Variants in ASB1 observed in about 807,000 individuals in gnomAD.
ASB1 encodes the protein ankyrin repeat and SOCS box protein 1.
Under a neutral mutation model 27.7 loss-of-function variants are expected in ASB1, and 18 were observed. The ratio of observed to expected loss-of-function variants is 0.65; its 90% CI spans 0.45 to 0.96. The LOEUF (loss-of-function observed/expected upper bound fraction) is 0.96, where lower values mean the gene tolerates loss of function less well. Ranked by LOEUF, ASB1 falls within the 50% of genes least tolerant of loss-of-function variation. The probability of loss-of-function intolerance (pLI) is 0.00; values close to 1 mark genes in which losing one functional copy is unlikely to be tolerated. For synonymous variants in ASB1, 189 were observed against 187.6 expected (o/e 1.01, Z -0.06); for missense variants, 397 against 451.7 (o/e 0.88, Z 1.10).
chr2:238,447,169 C>G lies in ASB1; in HGVS notation c.*658C>G, dbSNP rs2106411781. 1 of 153,144 alleles carries G rather than the reference C, an allele frequency of 6.5e-6. No homozygotes were observed. The highest frequency in any genetic ancestry group is 2.1e-4 in the South Asian group (1 of 4,834). 9.5% of individuals were successfully genotyped at this position (153,144 alleles called of 1,614,324 possible). The stretch of plus-strand genomic sequence containing the variant: ...ATCAGGTGTCACGATTTTTCTGCCA[C>G]TTCACCTTAGGGAGCTTCCAGTGAT... On this transcript the variant is annotated 3_prime_UTR_variant, in exon 5 of 5. Coordinates refer to ENST00000264607, the MANE Select transcript of ASB1 (RefSeq NM_001040445.3).
In ASB1 at chr2:238,434,115, C is replaced by G. The variant is rs1701922650; in HGVS notation, c.191+420C>G. ...CCTAGTGCCCTTTCCTCTAGCTTCTCAGGCCCTCAGTCATCTGCCCCCGGG... is the reference window on the plus strand; with the variant it reads ...CCTAGTGCCCTTTCCTCTAGCTTCTGAGGCCCTCAGTCATCTGCCCCCGGG... On this transcript the variant is annotated intron_variant, in intron 2 of 4. Transcript: ENST00000264607. Among the ~76,000 whole-genome samples the G allele has an allele frequency of 2.0e-5, 3 of 152,216 alleles. No individual in the cohort carries two copies. The South Asian group carries it at 6.2e-4, about 31-fold the overall frequency.
chr2:238,440,880 T>G (rs980345178), intron 3 of ASB1, among the ~76,000 whole-genome samples: 1 of 152,142 alleles, frequency 6.6e-6, no homozygotes, highest in African/African-American at 2.4e-5. Context: ...CACTGGGGAT[T>G]AGGAGGGGCG....
In ASB1 at chr2:238,433,582, G is replaced by A; in HGVS notation, c.78G>A (p.Glu26=). The change falls in exon 2 of 5, where the codon GAG becomes GAA. Residue 26 remains glutamate (E), a synonymous_variant. Coordinates refer to ENST00000264607, the MANE Select transcript of ASB1 (RefSeq NM_001040445.3). ...GTAATCTGAAGGAGTGGCTGAGGGA[G>A]CAATTTTGTGATCATCCGCTGGAGC... The part of the protein sequence containing the change: ...AGRNLKEWLR[E]QFCDHPLEHC... 6.2e-7 allele frequency: 1 copy of A among 1,614,152 alleles called. No homozygotes were observed. The highest frequency in any genetic ancestry group is 8.5e-7 in the Non-Finnish European group (1 of 1,180,018).
In ASB1 at chr2:238,432,542, A is replaced by G. The variant is rs144167312; in HGVS notation, c.50-1012A>G. ...CCTCCCTGTGGCCGTTGCCCAGGGC[A>G]GCGTGGGAGGGAGTCACCCGTGTAG... On this transcript the variant is annotated intron_variant, in intron 1 of 4. Coordinates refer to ENST00000264607, the MANE Select transcript of ASB1 (RefSeq NM_001040445.3). Among the ~76,000 whole-genome samples, 387 of 152,268 alleles carry G rather than the reference A, an allele frequency of 2.5e-3. 2 individuals are homozygous for G. Among genetic ancestry groups the G allele is most frequent in the African/African-American group, 8.9e-3 (368 of 41,538 alleles).
intron 1 of ASB1, among the ~76,000 whole-genome samples, chr2:238,432,046 C>T (rs1466162727): frequency 6.6e-6 from 1 of 152,118 alleles, no homozygotes; most frequent in Non-Finnish European, 1.5e-5. Context: ...AACACAATTA[C>T]GTGTGAAGCT....
chr2:238,426,930 G>T lies in ASB1; in HGVS notation c.-141G>T, dbSNP rs950942382. 1.6e-5 allele frequency: 9 copies of T among 548,036 alleles called. No individual in the cohort carries two copies. The highest frequency in any genetic ancestry group is 2.2e-5 in the Non-Finnish European group (8 of 370,122). 33.9% of individuals were successfully genotyped at this position (548,036 alleles called of 1,614,324 possible). On this transcript the variant is annotated 5_prime_UTR_variant, in exon 1 of 5. Coordinates refer to ENST00000264607, the MANE Select transcript of ASB1 (RefSeq NM_001040445.3). ...CCCCTGCGCGGCCCCGGAAACCAGT[G>T]AGGCCGGCGCGCGCCCGCCGGAAGC...
rs1308170861 is a variant in ASB1 at position 238,427,021 on chromosome 2, G to GAA, written c.-50_-49insAA. 1 of 1,233,224 alleles carries GAA rather than the reference G, an allele frequency of 8.1e-7. No homozygotes were observed. Among genetic ancestry groups the GAA allele is most frequent in the Non-Finnish European group, 1.0e-6 (1 of 986,704 alleles). 76.4% of individuals were successfully genotyped at this position (1,233,224 alleles called of 1,614,324 possible). On this transcript the variant is annotated 5_prime_UTR_variant, in exon 1 of 5. Coordinates refer to ENST00000264607, the MANE Select transcript of ASB1 (RefSeq NM_001040445.3). ...GTGGTCGCGGGTCGTTCTGCTTCCTGCCCGAGGGGCGTGCGCGGGTCAGGG... is the reference window on the plus strand; with the variant it reads ...GTGGTCGCGGGTCGTTCTGCTTCCTGAACCCGAGGGGCGTGCGCGGGTCAGGG...
Position 238,444,481 on chromosome 2 carries a change from C to G in ASB1, c.634C>G (p.Leu212Val). 1 of 1,614,228 alleles carries G rather than the reference C, an allele frequency of 6.2e-7. No individual in the cohort carries two copies. Among genetic ancestry groups the G allele is most frequent in the South Asian group, 1.1e-5 (1 of 91,090 alleles). ...CAACCTCCAGTGCTTCCGGCTGCTC[C>G]TCCTGGCTGGCGCGAACCCTGACTT... is the stretch of plus-strand genomic sequence containing the variant. ...YHNLQCFRLL[L>V]LAGANPDFNC... The change falls in exon 4 of 5, where the codon CTC becomes GTC. Residue 212 changes from leucine (L) to valine (V), a missense_variant. Coordinates refer to ENST00000264607, the MANE Select transcript of ASB1 (RefSeq NM_001040445.3).
chr2:238,444,286 T>A (rs1253026536), intron 3 of ASB1, 56 bp from the exon 4 acceptor site: 8 of 1,540,756 alleles, frequency 5.2e-6, no homozygotes, highest in Middle Eastern at 3.5e-4. Flanking sequence ...ATCTGTGGGA[T>A]CTGTGGGCTG....
chr2:238,432,603 C>T (rs964821302), intron 1 of ASB1, among the ~76,000 whole-genome samples: 1 of 152,054 alleles, frequency 6.6e-6, no homozygotes, highest in Non-Finnish European at 1.5e-5. Context: ...TGGATTTTGC[C>T]GTATGTCTTT....
chr2:238,437,500 T>G (rs999288405), intron 3 of ASB1, among the ~76,000 whole-genome samples: 6 of 151,996 alleles, frequency 3.9e-5, no homozygotes, highest in African/African-American at 1.4e-4. Context: ...AAAGTGCTGG[T>G]ATTACAGGCG....
Position 238,433,682 on chromosome 2 carries a change from G to A in ASB1, c.178G>A (p.Glu60Lys). ...GACCCTCAGGAGCCTATTGCAAGAG[G>A]AGAGCTACCGGAGGTGAGCGGCGCT... ...LQTLRSLLQE[E>K]SYRSRINEKS... The change falls in exon 2 of 5, where the codon GAG (glutamate) becomes AAG (lysine). Residue 60 changes from glutamate (E) to lysine (K), a missense_variant. Coordinates refer to ENST00000264607, the MANE Select transcript of ASB1 (RefSeq NM_001040445.3). The A allele has an allele frequency of 1.2e-6, 2 of 1,613,964 alleles. No homozygotes were observed. Among genetic ancestry groups the A allele is most frequent in the Non-Finnish European group, 1.7e-6 (2 of 1,179,932 alleles).
chr2:238,446,302 G>A (rs1702178823), intron 4 of ASB1, 82 bp from the exon 5 acceptor site: 8 of 1,476,408 alleles, frequency 5.4e-6, no homozygotes, highest in Non-Finnish European at 7.3e-6. Flanking sequence ...CTTCTGGCTG[G>A]CAGTCCCAGC....
rs1199861653 is a variant in ASB1 at position 238,452,249 on chromosome 2, G to A, written c.*5738G>A. Reference sequence around the variant, plus strand: ...TAAAGACATGCATCCATCTGTCAGCGACTCCTTGTGTGTTCTGCCTCTTCA... The same window carrying A: ...TAAAGACATGCATCCATCTGTCAGCAACTCCTTGTGTGTTCTGCCTCTTCA... On this transcript the variant is annotated 3_prime_UTR_variant, in exon 5 of 5. Transcript: ENST00000264607. The A allele has an allele frequency of 6.6e-6, 1 of 152,202 alleles. No individual in the cohort carries two copies. The highest frequency in any genetic ancestry group is 2.4e-5 in the African/African-American group (1 of 41,420). 9.4% of individuals were successfully genotyped at this position (152,202 alleles called of 1,614,324 possible).
chr2:238,433,641 A>T lies in ASB1; in HGVS notation c.137A>T (p.Tyr46Phe), dbSNP rs1237050556. The T allele has an allele frequency of 6.2e-7, 1 of 1,614,116 alleles. No individual in the cohort carries two copies. Among genetic ancestry groups the T allele is most frequent in the East Asian group, 2.2e-5 (1 of 44,884 alleles). The stretch of plus-strand genomic sequence containing the variant: ...GACACGAGGCTCCATGATGCAGCTT[A>T]CGTCGGGGACCTCCAGACCCTCAGG... The part of the protein sequence containing the change: ...CEDTRLHDAA[Y>F]VGDLQTLRSL... Residue 46 changes from tyrosine (Y) to phenylalanine (F), a missense_variant, in exon 2 of 5, where the codon TAC (tyrosine) becomes TTC (phenylalanine). Coordinates refer to ENST00000264607, the MANE Select transcript of ASB1 (RefSeq NM_001040445.3).
At chr2:238,430,922 C>T (rs1169153742) in intron 1 of ASB1, among the ~76,000 whole-genome samples, 1 of 152,242 alleles carries the variant, frequency 6.6e-6, no homozygotes, top group Non-Finnish European at 1.5e-5. Flanking sequence ...AACAGATGTG[C>T]TGCCACCTGG....
chr2:238,440,461 G>C (rs1372300531), intron 3 of ASB1, among the ~76,000 whole-genome samples: 1 of 152,184 alleles, frequency 6.6e-6, no homozygotes, highest in Non-Finnish European at 1.5e-5. Context: ...GAGAAACCCA[G>C]TTCCCCTGCC....
chr2:238,444,979 C>CCT (rs747181920), intron 4 of ASB1, among the ~76,000 whole-genome samples: 1 of 117,890 alleles, frequency 8.5e-6, no homozygotes, highest in Non-Finnish European at 1.7e-5. Context: ...CTCGCGCTCT[C>CCT]TTTTTTTTTT....
chr2:238,431,198 G>A (rs1248971125), intron 1 of ASB1, among the ~76,000 whole-genome samples: 1 of 152,204 alleles, frequency 6.6e-6, no homozygotes, highest in African/African-American at 2.4e-5. Flanking sequence ...CGTGTCTTCT[G>A]GATAACTTGC....
Sources: allele counts gnomAD v4.1 joint callset (sites outside exome capture counted in the v4.1 genomes callset), GRCh38; gene constraint gnomAD v4.1.1; transcripts MANE v1.5; gene names NCBI Gene and HGNC (gene_info 2026-07-23, HGNC 2026-07-21).